HSD17B11: variants seen among roughly 807,000 people sequenced by gnomAD.
HSD17B11 encodes the protein hydroxysteroid 17-beta dehydrogenase 11.
In HSD17B11, 22 loss-of-function variants were observed where a neutral mutation model predicts 27.8. That is an observed-to-expected ratio of 0.79 (90% CI 0.56 to 1.13). The LOEUF (loss-of-function observed/expected upper bound fraction) is 1.13, where lower values mean the gene tolerates loss of function less well. Ranked by LOEUF, HSD17B11 falls within the 50% of genes most tolerant of loss-of-function variation. HSD17B11 has a pLI of 0.00. For missense variants in HSD17B11, 314 were observed against 351.1 expected (o/e 0.89, Z 0.84); for synonymous variants, 117 against 132.8 (o/e 0.88, Z 0.82).
intron 2 of HSD17B11, 26 bp downstream of exon 2, chr4:87,382,229 G>T: frequency 6.5e-7 from 1 of 1,534,074 alleles, no homozygotes; most frequent in Non-Finnish European, 9.0e-7. Context: ...AACATGATAT[G>T]ATTCTAACTA....
At chr4:87,380,863 CAAAAAAAAAAAAAA>C (rs561938045) in intron 2 of HSD17B11, among the ~76,000 whole-genome samples, 123 of 74,704 alleles carry the variant, frequency 1.6e-3, no homozygotes, top group African/African-American at 4.3e-3. Context: ...GACTCTATCT[CAAAAAAAAAAAAAA>C]AAAAAAAAAA....
In HSD17B11 at chr4:87,358,086, G is replaced by C. The variant is rs577976967; in HGVS notation, c.558-670C>G. On this transcript the variant is annotated intron_variant, in intron 4 of 6. Coordinates refer to ENST00000358290, the MANE Select transcript of HSD17B11 (RefSeq NM_016245.5). ...CCGCCATTCTCCTGCCTCAGCCTCC[G>C]CAGTAGCTGGGACTACAGGCGCCCG... 5.8e-3 allele frequency among the ~76,000 whole-genome samples: 848 copies of C among 146,682 alleles called. 4 individuals are homozygous for C. The highest frequency in any genetic ancestry group is 0.015 in the African/African-American group (613 of 39,762).
At chr4:87,375,203 C>T (rs62319104) in intron 2 of HSD17B11, among the ~76,000 whole-genome samples, 46,354 of 151,900 alleles carry the variant, frequency 0.31, 7,429 homozygotes, top group African/African-American at 0.36. Context: ...CCGTCTTGTA[C>T]GCAATGACTC....
chr4:87,364,593 G>T (rs1022329661), intron 4 of HSD17B11, among the ~76,000 whole-genome samples: 1 of 152,150 alleles, frequency 6.6e-6, no homozygotes, highest in Non-Finnish European at 1.5e-5. Context: ...CCCCTCACTG[G>T]GAGATGAGAC....
At position 87,338,623 on chromosome 4, in the gene HSD17B11, C is replaced by A. The variant is rs551387514; in HGVS notation, c.813-1257G>T. 3.9e-5 allele frequency among the ~76,000 whole-genome samples: 6 copies of A among 152,268 alleles called. No individual in the cohort carries two copies. In the South Asian group the frequency reaches 1.2e-3, roughly 32 times the overall value. On this transcript the variant is annotated intron_variant, in intron 6 of 6. Coordinates refer to ENST00000358290, the MANE Select transcript of HSD17B11 (RefSeq NM_016245.5). Reference sequence around the variant, plus strand: ...TGATCATGGCTCACTGCAGCCTCAACTTTCTGAGCTCAAGCAATTCTCCCA... The same window carrying A: ...TGATCATGGCTCACTGCAGCCTCAAATTTCTGAGCTCAAGCAATTCTCCCA...
intron 5 of HSD17B11, among the ~76,000 whole-genome samples, chr4:87,355,126 G>A (rs926146140): frequency 6.6e-6 from 1 of 151,670 alleles, no homozygotes; most frequent in Non-Finnish European, 1.5e-5. Context: ...ACAAAACCAA[G>A]CAAAATTGAA....
intron 1 of HSD17B11, among the ~76,000 whole-genome samples, chr4:87,383,396 G>A (rs1720223747): frequency 6.6e-6 from 1 of 152,198 alleles, no homozygotes; most frequent in African/African-American, 2.4e-5. Context: ...GGCAGTTACA[G>A]TGATTCAGGT....
At chr4:87,368,671 C>A (rs1381191623) in intron 4 of HSD17B11, among the ~76,000 whole-genome samples, 3 of 152,100 alleles carry the variant, frequency 2.0e-5, no homozygotes, top group Non-Finnish European at 1.5e-5. Context: ...AGGAGGTCAG[C>A]ACAAAATACA....
chr4:87,343,558 T>TG (rs1337468460), intron 5 of HSD17B11, among the ~76,000 whole-genome samples: 1 of 150,742 alleles, frequency 6.6e-6, no homozygotes, highest in Non-Finnish European at 1.5e-5. Flanking sequence ...TTTTTTTTTT[T>TG]TTTTTTTGAG....
At chr4:87,367,127 T>C (rs1735625468) in intron 4 of HSD17B11, among the ~76,000 whole-genome samples, 1 of 152,208 alleles carries the variant, frequency 6.6e-6, no homozygotes, top group African/African-American at 2.4e-5. Flanking sequence ...AATATAGTTG[T>C]TTGTATAAGT....
intron 4 of HSD17B11, among the ~76,000 whole-genome samples, chr4:87,364,143 T>G (rs1279057164): frequency 6.6e-6 from 1 of 151,536 alleles, no homozygotes; most frequent in Admixed American, 6.6e-5. Flanking sequence ...TATTTTTGTT[T>G]TTTTGTTTTG....
chr4:87,363,740 CACTGCCCAG>C (rs1735563843), intron 4 of HSD17B11, among the ~76,000 whole-genome samples: 1 of 152,332 alleles, frequency 6.6e-6, no homozygotes, highest in East Asian at 1.9e-4. Context: ...AAGAAATAGA[CACTGCCCAG>C]ACCTGTAGCT....
At chr4:87,390,131 T>C (rs1720420393) in intron 1 of HSD17B11, among the ~76,000 whole-genome samples, 1 of 152,146 alleles carries the variant, frequency 6.6e-6, no homozygotes, top group African/African-American at 2.4e-5. Context: ...TATGGCAATG[T>C]AGCATTGGTT....
At chr4:87,370,968 G>C (rs1350340374) in intron 4 of HSD17B11, among the ~76,000 whole-genome samples, 1 of 126,992 alleles carries the variant, frequency 7.9e-6, no homozygotes, top group Non-Finnish European at 1.6e-5. Context: ...TAGCCAGGAT[G>C]GTCTCGATCT....
At chr4:87,383,723 G>A (rs1420432081) in intron 1 of HSD17B11, among the ~76,000 whole-genome samples, 1 of 144,190 alleles carries the variant, frequency 6.9e-6, no homozygotes, top group East Asian at 2.0e-4. Context: ...ATCTTTGCTT[G>A]TTTGCTTTTG....
rs182200083 is a variant in HSD17B11 at position 87,338,000 on chromosome 4, G to A, written c.813-634C>T. ...TGGGAGGCAGAGGCGGGTGGATCACGAGGTCAGGAGACCGAGATCATCCTG... is the reference window on the plus strand; with the variant it reads ...TGGGAGGCAGAGGCGGGTGGATCACAAGGTCAGGAGACCGAGATCATCCTG... On this transcript the variant is annotated intron_variant, in intron 6 of 6. Transcript: ENST00000358290. Among the ~76,000 whole-genome samples the A allele has an allele frequency of 4.0e-3, 616 of 152,240 alleles. 3 individuals are homozygous for A. Among genetic ancestry groups the A allele is most frequent in the Middle Eastern group, 0.014 (4 of 294 alleles).
rs546550194 is a variant in HSD17B11, at chr4:87,386,302, A to G, written c.211-3940T>C. ...ACTGTAGCCTCTGCCTTCCCGGTTC[A>G]AGTGATTCTCCTGCCTCAGCCTCCC... On this transcript the variant is annotated intron_variant, in intron 1 of 6. Coordinates refer to ENST00000358290, the MANE Select transcript of HSD17B11 (RefSeq NM_016245.5). Among the ~76,000 whole-genome samples the G allele has an allele frequency of 7.9e-5, 12 of 151,904 alleles. No homozygotes were observed. The East Asian group carries it at 2.3e-3, about 29-fold the overall frequency.
rs746954003 is a variant in HSD17B11 at position 87,372,762 on chromosome 4, G to A, written c.504C>T (p.Val168=). The A allele has an allele frequency of 2.5e-6, 4 of 1,613,880 alleles. No homozygotes were observed. In the East Asian group the frequency reaches 8.9e-5, roughly 36 times the overall value. The change falls in exon 4 of 7, where the codon GTC becomes GTT. Residue 168 remains valine (V), a synonymous_variant. Transcript: ENST00000358290. ...AMTKNNHGHI[V]TVASAAGHVS... ...CATGTCCAGCTGCCGAAGCCACAGTGACAATATGGCCATGGTTATTCTTCG... is the reference window on the plus strand; with the variant it reads ...CATGTCCAGCTGCCGAAGCCACAGTAACAATATGGCCATGGTTATTCTTCG...
chr4:87,343,609 A>G (rs79841129), intron 5 of HSD17B11, among the ~76,000 whole-genome samples: 3 of 143,714 alleles, frequency 2.1e-5, no homozygotes, highest in East Asian at 2.0e-4. Context: ...GTGCAGTGGC[A>G]CGATCTCAGC....
Sources: gnomAD v4.1 joint callset for allele counts (sites outside exome capture counted in the v4.1 genomes callset) on GRCh38, gnomAD v4.1.1 for gene constraint, MANE v1.5 for transcripts, NCBI Gene and HGNC (gene_info 2026-07-23, HGNC 2026-07-21) for gene names.